The following SPCS2 variants were observed in gnomAD, a reference collection of about 807,000 sequenced individuals.
SPCS2 encodes signal peptidase complex subunit 2.
A neutral mutation model predicts 22.3 loss-of-function variants in SPCS2; 3 were observed. The observed-to-expected ratio is 0.13, with a 90% confidence interval of 0.06 to 0.35. The LOEUF (loss-of-function observed/expected upper bound fraction) is 0.35. SPCS2 is among the 10% of genes least tolerant of loss of function. The pLI, the probability that SPCS2 is intolerant of heterozygous loss-of-function variation, is 1.00. For synonymous variants in SPCS2, 67 were observed against 97.2 expected (o/e 0.69, Z 1.83); for missense variants, 169 against 280.9 (o/e 0.60, Z 2.85).
At chr11:74,972,894 AT>A (rs35593566) in intron 4 of SPCS2, among the ~76,000 whole-genome samples, 46,514 of 110,608 alleles carry the variant, frequency 0.42, 7,824 homozygotes, top group East Asian at 0.59. Flanking sequence ...ATATATATAT[AT>A]TTTTTTTTTT....
rs968125933 is a variant in SPCS2 at position 74,965,677 on chromosome 11, A to T, written c.199-86A>T. ...AGGGAACTACTTGGTAATTCATATG[A>T]TTCTTTTATCATGGAAATCAAGAAT... On this transcript the variant is annotated intron_variant, in intron 2 of 4. Coordinates refer to ENST00000263672, the MANE Select transcript of SPCS2 (RefSeq NM_014752.3). The T allele has an allele frequency of 3.7e-5, 44 of 1,203,956 alleles. 1 individual carries two copies. The highest frequency in any genetic ancestry group is 5.0e-5 in the Non-Finnish European group (43 of 851,800). The allele number at this position is 1,203,956 out of a possible 1,614,324, so 74.6% of individuals were successfully genotyped here. A position where few individuals can be genotyped will look rare whatever the true frequency, so the allele number is the denominator to read the frequency against.
At chr11:74,965,319 TAACA>T (rs1298981754) in intron 2 of SPCS2, 1 of 450,076 alleles carries the variant, frequency 2.2e-6, no homozygotes, top group African/African-American at 2.0e-5. Context: ...TATACATATG[TAACA>T]AACCTGCACG....
chr11:74,973,790 A>G (rs1328932070), intron 4 of SPCS2, among the ~76,000 whole-genome samples: 1 of 152,094 alleles, frequency 6.6e-6, no homozygotes, highest in Non-Finnish European at 1.5e-5. Flanking sequence ...GATAGAAGCC[A>G]TCATAAGTCT....
chr11:74,950,312 A>C lies in SPCS2; in HGVS notation c.114+913A>C, dbSNP rs923566728. Among the ~76,000 whole-genome samples, 3 of 152,166 alleles carry C rather than the reference A, an allele frequency of 2.0e-5. No individual in the cohort carries two copies. In the South Asian group the frequency reaches 6.2e-4, roughly 31 times the overall value. ...GCCTTAAAATGAGGGACTTAACTCTAAATTCCCTTCCAGTTCTCTCATTGT... is the reference window on the plus strand; with the variant it reads ...GCCTTAAAATGAGGGACTTAACTCTCAATTCCCTTCCAGTTCTCTCATTGT... On this transcript the variant is annotated intron_variant, in intron 1 of 4. Transcript: ENST00000263672.
At chr11:74,953,922 T>G (rs1948461306) in intron 1 of SPCS2, among the ~76,000 whole-genome samples, 1 of 152,208 alleles carries the variant, frequency 6.6e-6, no homozygotes, top group East Asian at 1.9e-4. Flanking sequence ...ATACCTGGAT[T>G]TCTGTCTCCT....
At chr11:74,961,765 T>C (rs503994) in intron 1 of SPCS2, among the ~76,000 whole-genome samples, 118,816 of 151,892 alleles carry the variant, frequency 0.78, 46,634 homozygotes, top group Non-Finnish European at 0.82. Context: ...TAACCTCAAA[T>C]GATCCATCTG....
At chr11:74,974,835 G>T (rs137974535) in intron 4 of SPCS2, among the ~76,000 whole-genome samples, 1 of 151,892 alleles carries the variant, frequency 6.6e-6, no homozygotes, top group Non-Finnish European at 1.5e-5. Context: ...AGGATGGTCT[G>T]GATCTCCTGA....
chr11:74,955,377 A>G (rs1261980969), intron 1 of SPCS2, among the ~76,000 whole-genome samples: 1 of 152,238 alleles, frequency 6.6e-6, no homozygotes, highest in East Asian at 1.9e-4. Context: ...ACAATGGAAT[A>G]TAATTTGACC....
intron 1 of SPCS2, chr11:74,949,785 C>G (rs1948336979): frequency 5.1e-6 from 2 of 393,630 alleles, no homozygotes; most frequent in Non-Finnish European, 1.0e-5. Flanking sequence ...CCCCCAAACT[C>G]TCTACCACCA....
chr11:74,958,347 A>G (rs1948491176), intron 1 of SPCS2, among the ~76,000 whole-genome samples: 1 of 152,252 alleles, frequency 6.6e-6, no homozygotes. Flanking sequence ...TAAAAAATAG[A>G]TTGAAATTGA....
chr11:74,974,347 A>T (rs1948603784), intron 4 of SPCS2, among the ~76,000 whole-genome samples: 1 of 152,068 alleles, frequency 6.6e-6, no homozygotes, highest in Admixed American at 6.5e-5. Flanking sequence ...TTGATGTTGG[A>T]TCCTAATAGG....
chr11:74,956,965 T>G (rs1371044393), intron 1 of SPCS2, among the ~76,000 whole-genome samples: 3 of 152,176 alleles, frequency 2.0e-5, no homozygotes, highest in Non-Finnish European at 1.5e-5. Context: ...GCTCAGATGT[T>G]AACTATTTTC....
chr11:74,967,524 C>T (rs976206228), intron 3 of SPCS2, among the ~76,000 whole-genome samples: 8 of 152,054 alleles, frequency 5.3e-5, no homozygotes, highest in Admixed American at 1.3e-4. Flanking sequence ...CCAAGGCGGG[C>T]GAATCACTTG....
intron 1 of SPCS2, among the ~76,000 whole-genome samples, chr11:74,949,933 T>G (rs941876612): frequency 6.6e-6 from 1 of 152,136 alleles, no homozygotes; most frequent in African/African-American, 2.4e-5. Flanking sequence ...CAAGAAGCCT[T>G]TAAGATTTTT....
intron 1 of SPCS2, among the ~76,000 whole-genome samples, chr11:74,958,365 G>C (rs1056066811): frequency 2.0e-5 from 3 of 152,200 alleles, no homozygotes; most frequent in African/African-American, 7.2e-5. Flanking sequence ...TGAAGATTCA[G>C]TGTGTTGCTA....
At chr11:74,974,643 C>T (rs1309510530) in intron 4 of SPCS2, among the ~76,000 whole-genome samples, 1 of 152,154 alleles carries the variant, frequency 6.6e-6, no homozygotes, top group East Asian at 1.9e-4. Context: ...GAGACAGAGT[C>T]TCACACTTTC....
chr11:74,965,612 C>T, intron 2 of SPCS2, 151 bp from the exon 3 acceptor site: 1 of 629,730 alleles, frequency 1.6e-6, no homozygotes, highest in Non-Finnish European at 2.6e-6. Context: ...TTATAGAAGG[C>T]TTGAGTTTTA....
intron 1 of SPCS2, among the ~76,000 whole-genome samples, chr11:74,955,851 A>AAAATATATATATATAT (rs1488259033): frequency 1.8e-5 from 1 of 55,594 alleles, no homozygotes; most frequent in Non-Finnish European, 3.9e-5. Flanking sequence ...TACTAATTAA[A>AAAATATATATATATAT]ATATATATAT....
chr11:74,969,767 C>T (rs1948569871), intron 4 of SPCS2, 68 bp downstream of exon 4: 2 of 1,571,386 alleles, frequency 1.3e-6, no homozygotes, highest in Admixed American at 3.4e-5. Flanking sequence ...TCATTATCAA[C>T]AGAAGACTTA....
Sources: gnomAD v4.1 joint callset for allele counts (sites outside exome capture counted in the v4.1 genomes callset) on GRCh38, gnomAD v4.1.1 for gene constraint, MANE v1.5 for transcripts, NCBI Gene and HGNC (gene_info 2026-07-23, HGNC 2026-07-21) for gene names.